ODF2: variants seen among roughly 807,000 people sequenced by gnomAD.
ODF2 encodes outer dense fiber protein 2.
A neutral mutation model predicts 110.2 loss-of-function variants in ODF2; 47 were observed. The ratio of observed to expected loss-of-function variants is 0.43; its 90% CI spans 0.34 to 0.54. The LOEUF is 0.54. Ranked by LOEUF, ODF2 falls within the 20% of genes least tolerant of loss-of-function variation. ODF2 has a pLI of 0.03. For missense variants in ODF2, 812 were observed against 1,054.5 expected (o/e 0.77, Z 3.19); for synonymous variants, 352 against 397.7 (o/e 0.89, Z 1.37).
At chr9:128,461,501 C>G (rs1298607713) in intron 4 of ODF2, 1 of 155,080 alleles carries the variant, frequency 6.4e-6, no homozygotes, top group African/African-American at 2.4e-5. Flanking sequence ...TCATTGCAAC[C>G]TCTGCCTCCC....
chr9:128,455,293 T>A, upstream of ODF2: 1 of 1,463,708 alleles, frequency 6.8e-7, no homozygotes, highest in East Asian at 2.5e-5. Flanking sequence ...GGCTCAAGCC[T>A]GTAATACAAG....
chr9:128,492,584 C>A, intron 15 of ODF2, 48 bp downstream of exon 15: 1 of 1,518,770 alleles, frequency 6.6e-7, no homozygotes, highest in Non-Finnish European at 9.1e-7. Flanking sequence ...CCCTCCCTGC[C>A]CCCATCAGAC....
chr9:128,457,572 G>T (rs1231904208), intron 2 of ODF2: 27 of 1,176,352 alleles, frequency 2.3e-5, no homozygotes, highest in Non-Finnish European at 3.0e-5. Context: ...TTTAAAAATC[G>T]TTTTTAAAGG....
chr9:128,456,047 C>A (rs1834684997), upstream of ODF2: 14 of 1,485,480 alleles, frequency 9.4e-6, 1 homozygote, highest in South Asian at 1.0e-4. Flanking sequence ...GGCTGGGCCT[C>A]GATGGCGAAA....
upstream of ODF2, chr9:128,455,261 A>AG: frequency 2.6e-6 from 4 of 1,533,112 alleles, no homozygotes; most frequent in Non-Finnish European, 3.5e-6. Context: ...AGAGTGCAGG[A>AG]GGGTAGTAGA....
chr9:128,460,773 C>G, intron 3 of ODF2, 107 bp downstream of exon 3: 1 of 1,527,566 alleles, frequency 6.5e-7, no homozygotes, highest in Non-Finnish European at 8.9e-7. Flanking sequence ...CAAACACACT[C>G]TTTCGGAGGC....
chr9:128,461,187 T>C (rs1357559841), intron 4 of ODF2, 120 bp downstream of exon 4: 9 of 1,274,238 alleles, frequency 7.1e-6, no homozygotes, highest in African/African-American at 1.5e-5. Flanking sequence ...CCCCATTTAC[T>C]GAGGGCCTTG....
chr9:128,499,671 G>A (rs1846239421), intron 20 of ODF2, among the ~76,000 whole-genome samples: 1 of 152,066 alleles, frequency 6.6e-6, no homozygotes, highest in African/African-American at 2.4e-5. Flanking sequence ...GTGCAGTGGT[G>A]CTGTCATAGC....
intron 7 of ODF2, chr9:128,473,310 A>G: frequency 3.2e-6 from 3 of 939,022 alleles, no homozygotes; most frequent in Non-Finnish European, 3.8e-6. Flanking sequence ...TGATTCCTGC[A>G]AGTATCAGCC....
intron 14 of ODF2, among the ~76,000 whole-genome samples, chr9:128,490,107 CTGCT>C (rs1371823163): frequency 6.6e-6 from 1 of 152,098 alleles, no homozygotes; most frequent in Non-Finnish European, 1.5e-5. Context: ...TGTGAGAGGA[CTGCT>C]TGAGGCCAGG....
intron 11 of ODF2, among the ~76,000 whole-genome samples, 174 bp downstream of exon 11, chr9:128,484,228 A>AC (rs1376376663): frequency 5.9e-5 from 9 of 152,306 alleles, no homozygotes; most frequent in African/African-American, 2.2e-4. Flanking sequence ...AGAGCAATGG[A>AC]CAGAGACCCA....
intron 4 of ODF2, among the ~76,000 whole-genome samples, chr9:128,467,087 T>G (rs1838396392): frequency 7.9e-6 from 1 of 125,820 alleles, no homozygotes; most frequent in Non-Finnish European, 1.6e-5. Flanking sequence ...TGGGGATATA[T>G]TCTGAGAAAC....
chr9:128,480,178 AC>A (rs1842136038), intron 8 of ODF2, among the ~76,000 whole-genome samples: 1 of 152,220 alleles, frequency 6.6e-6, no homozygotes, highest in Non-Finnish European at 1.5e-5. Context: ...CATATATTTT[AC>A]CACAATTTTT....
At chr9:128,471,037 C>T (rs1456093697) in intron 5 of ODF2, among the ~76,000 whole-genome samples, 1 of 152,058 alleles carries the variant, frequency 6.6e-6, no homozygotes, top group African/African-American at 2.4e-5. Flanking sequence ...CTTCAGCTTC[C>T]AGAGTAGCTG....
chr9:128,480,507 A>G (rs1030509892), intron 8 of ODF2, among the ~76,000 whole-genome samples: 4 of 152,248 alleles, frequency 2.6e-5, no homozygotes, highest in African/African-American at 9.6e-5. Flanking sequence ...TTATATCTCA[A>G]TAAAGCTGTT....
chr9:128,468,265 T>C (rs1838811202), intron 4 of ODF2, among the ~76,000 whole-genome samples: 2 of 152,214 alleles, frequency 1.3e-5, no homozygotes, highest in South Asian at 2.1e-4. Flanking sequence ...TTTTGACATA[T>C]TTCATTTCTA....
exon 19 of ODF2, chr9:128,498,537 A>G (rs761668436): frequency 9.3e-6 from 15 of 1,609,968 alleles, no homozygotes; most frequent in African/African-American, 1.3e-5. Context: ...GACCCTGGCA[A>G]GGCAGTTGGA....
intron 9 of ODF2, 94 bp from the exon 10 acceptor site, chr9:128,482,722 C>A: frequency 1.1e-6 from 1 of 875,332 alleles, no homozygotes; most frequent in Non-Finnish European, 1.8e-6. Context: ...GGACCTTGGG[C>A]CCCAGTGGCC....
intron 8 of ODF2, among the ~76,000 whole-genome samples, chr9:128,477,614 CT>C (rs950458956): frequency 2.8e-5 from 4 of 145,274 alleles, no homozygotes; most frequent in African/African-American, 5.0e-5. Flanking sequence ...TTTTTTTTTT[CT>C]TTTTTTTTGA....
Sources: allele counts gnomAD v4.1 joint callset (sites outside exome capture counted in the v4.1 genomes callset), GRCh38; gene constraint gnomAD v4.1.1; transcripts MANE v1.5; gene names NCBI Gene and HGNC (gene_info 2026-07-23, HGNC 2026-07-21).